Variants in FLG observed in about 807,000 individuals in gnomAD.
FLG encodes the protein filaggrin, also known as epidermal filaggrin.
In FLG, 6 loss-of-function variants were observed where a neutral mutation model predicts 3.8. That is an observed-to-expected ratio of 1.60 (90% CI 0.87 to 3.15). The LOEUF (loss-of-function observed/expected upper bound fraction) is 3.15, where lower values mean the gene tolerates loss of function less well. FLG is among the 30% of genes most tolerant of loss of function. The probability of loss-of-function intolerance (pLI) is 0.00; values close to 1 mark genes in which losing one functional copy is unlikely to be tolerated. For synonymous variants in FLG, 2,551 were observed against 1,931.6 expected, an observed-to-expected ratio of 1.32 and a Z score of -8.41; for missense variants, 7,595 against 5,050.9, an observed-to-expected ratio of 1.50 and a Z score of -15.27.
Position 152,310,336 on chromosome 1 carries a change from T to G in FLG, c.4550A>C (p.Tyr1517Ser), listed in dbSNP as rs146433981. ...CTGGGGTGTGGTGTGGCTGTGATGG[T>G]ACCCTGAGTGTCCAGACCTATCTAC... Reference protein sequence around the residue: ...QSVDRSGHSGYHHSHTTPQGR... With the variant: ...QSVDRSGHSGSHHSHTTPQGR... The change falls in exon 3 of 3, where the codon TAC becomes TCC. Residue 1517 changes from tyrosine (Y) to serine (S), a missense_variant. Physicochemically the swap from Tyr to Ser is moderately radical, Grantham distance 144 (BLOSUM62 -2). Coordinates refer to ENST00000368799, the MANE Select transcript of FLG (RefSeq NM_002016.2). 1,228 of 1,613,750 alleles carry G rather than the reference T, an allele frequency of 7.6e-4. 8 individuals carry two copies. In the African/African-American group the frequency reaches 0.014, roughly 19 times the overall value.
chr1:152,303,751 T>A lies in FLG; in HGVS notation c.11135A>T (p.Tyr3712Phe). 1 of 1,613,722 alleles carries A rather than the reference T, an allele frequency of 6.2e-7. No individual in the cohort carries two copies. Among genetic ancestry groups the A allele is most frequent in the South Asian group, 1.1e-5 (1 of 91,038 alleles). The change falls in exon 3 of 3, where the codon TAC (tyrosine) becomes TTC (phenylalanine). Residue 3712 changes from tyrosine (Y) to phenylalanine (F), a missense_variant. Physicochemically the swap from Tyr to Phe is conservative, Grantham distance 22. Transcript: ENST00000368799. ...GRSGRSGSFLYQVSTHEQSES... is the reference protein window; with the variant it reads ...GRSGRSGSFLFQVSTHEQSES... ...AGACTGTTCATGAGTGCTCACCTGG[T>A]AGAGGAAAGACCCTGAACGTCCAGA... is the stretch of plus-strand genomic sequence containing the variant.
Position 152,306,345 on chromosome 1 carries a change from T to G in FLG, c.8541A>C (p.Ser2847=), listed in dbSNP as rs760968330. The change falls in exon 3 of 3, where the codon TCA becomes TCC. Residue 2847 remains serine, a synonymous_variant. Coordinates refer to ENST00000368799, the MANE Select transcript of FLG (RefSeq NM_002016.2). The part of the protein sequence containing the change: ...ASRTTRNEEQ[S]GDGSRHSGSR... ...ACCCTGAGTGCCTGGAGCCGTCTCCTGATTGTTCCTCATTACGTGTTGTTC... is the reference window on the plus strand; with the variant it reads ...ACCCTGAGTGCCTGGAGCCGTCTCCGGATTGTTCCTCATTACGTGTTGTTC... The G allele has an allele frequency of 2.5e-6, 4 of 1,602,094 alleles. No individual in the cohort carries two copies. In the South Asian group the frequency reaches 3.3e-5, roughly 13 times the overall value.
Position 152,311,675 on chromosome 1 carries a change from C to G in FLG, c.3211G>C (p.Ala1071Pro), listed in dbSNP as rs1369947146. The G allele has an allele frequency of 3.1e-6, 5 of 1,614,018 alleles. No individual in the cohort carries two copies. The African/African-American group carries it at 4.0e-5, about 13-fold the overall frequency. ...TCTGAATGTCCCTCACTATCACTGG[C>G]CTGACTACCACTGGACCCCCAGTGT... ...SGHWGSSGSQ[A>P]SDSEGHSEES... Residue 1071 changes from alanine (A) to proline (P), a missense_variant, in exon 3 of 3, where the codon GCC (alanine) becomes CCC (proline). Physicochemically the swap from Ala to Pro is conservative, Grantham distance 27. Transcript: ENST00000368799.
chr1:152,308,509 G>C lies in FLG; in HGVS notation c.6377C>G (p.Ser2126Cys). ...GSHYDQAQDS[S>C]RHSASQEGQD... ...ACCCTCTTGGGATGCTGAGTGCCTG[G>C]AGCTGTCTTGTGCCTGATCATAATG... is the stretch of plus-strand genomic sequence containing the variant. Residue 2126 changes from serine to cysteine, a missense_variant, in exon 3 of 3, where the codon TCC (serine) becomes TGC (cysteine). By Grantham distance (112) the Ser-to-Cys change is moderately radical (BLOSUM62 -1). Transcript: ENST00000368799. 6.2e-7 allele frequency: 1 copy of C among 1,613,698 alleles called. No individual in the cohort carries two copies.
In FLG at chr1:152,312,315, G is replaced by T. The variant is rs375680393; in HGVS notation, c.2571C>A (p.His857Gln). Reference protein sequence around the residue: ...SSRRGRQGSHHEQSVDRSGHS... With the variant: ...SSRRGRQGSHQEQSVDRSGHS... ...GTCCAGACCTATCTACCGATTGCTC[G>T]TGGTGGGACCCCTGCCTTCCTCTTC... The change falls in exon 3 of 3, where the codon CAC becomes CAA. Residue 857 changes from histidine (H) to glutamine (Q), a missense_variant. His to Gln is a conservative substitution (Grantham distance 24). Transcript: ENST00000368799. 9 of 1,613,052 alleles carry T rather than the reference G, an allele frequency of 5.6e-6. No individual in the cohort carries two copies. In the Admixed American group the frequency reaches 6.7e-5, roughly 12 times the overall value.
At position 152,314,022 on chromosome 1, in the gene FLG, C is replaced by G. The variant is rs1010421428; in HGVS notation, c.864G>C (p.Arg288Ser). 2.5e-6 allele frequency: 4 copies of G among 1,614,154 alleles called. No individual in the cohort carries two copies. The highest frequency in any genetic ancestry group is 2.5e-6 in the Non-Finnish European group (3 of 1,180,032). Residue 288 changes from arginine (R) to serine (S), a missense_variant, in exon 3 of 3, where the codon AGG (arginine) becomes AGC (serine). Coordinates refer to ENST00000368799, the MANE Select transcript of FLG (RefSeq NM_002016.2). Reference sequence around the variant, plus strand: ...CTCTGGATCCCCTACGCTTTCTTGTCCTGGACTCCTGCAATGGTACCTGGC... The same window carrying G: ...CTCTGGATCCCCTACGCTTTCTTGTGCTGGACTCCTGCAATGGTACCTGGC... ...NTSQVPLQESRTRKRRGSRVS... is the reference protein window; with the variant it reads ...NTSQVPLQESSTRKRRGSRVS...
chr1:152,317,441 C>T (rs1055413788), intron 1 of FLG, among the ~76,000 whole-genome samples: 2 of 152,060 alleles, frequency 1.3e-5, no homozygotes, highest in African/African-American at 4.8e-5. Context: ...CTTCATATTT[C>T]CAAATCCACA....
Position 152,309,518 on chromosome 1 carries a change from G to C in FLG, c.5368C>G (p.Gln1790Glu), listed in dbSNP as rs200622741. 8.3e-5 allele frequency: 134 copies of C among 1,613,916 alleles called. No homozygotes were observed. The highest frequency in any genetic ancestry group is 1.7e-4 in the Middle Eastern group (1 of 6,060). ...GRTGPSTGGRQRSRHEQARDS... is the reference protein window; with the variant it reads ...GRTGPSTGGRERSRHEQARDS... ...CGTGCCTGCTCGTGGCGGGATCTTT[G>C]TCTTCCTCCAGTGCTGGGCCCTGTG... The change falls in exon 3 of 3, where the codon CAA becomes GAA. Residue 1790 changes from glutamine to glutamate, a missense_variant. By Grantham distance (29) the Gln-to-Glu change is conservative. Transcript: ENST00000368799.
rs778145226 is a variant in FLG at position 152,309,364 on chromosome 1, G to A, written c.5522C>T (p.Ser1841Phe). Reference protein sequence around the residue: ...QSVDSSGHSGSHHSHTTSQER... With the variant: ...QSVDSSGHSGFHHSHTTSQER... ...CTGGGACGTGGTGTGGCTGTGATGAGACCCTGAGTGTCCAGAACTATCTAC... is the reference window on the plus strand; with the variant it reads ...CTGGGACGTGGTGTGGCTGTGATGAAACCCTGAGTGTCCAGAACTATCTAC... Residue 1841 changes from serine (S) to phenylalanine (F), a missense_variant, in exon 3 of 3, where the codon TCT becomes TTT. By Grantham distance (155) the Ser-to-Phe change is radical (BLOSUM62 -2). Transcript: ENST00000368799. 1.1e-5 allele frequency: 17 copies of A among 1,613,712 alleles called. No individual in the cohort carries two copies. The highest frequency in any genetic ancestry group is 1.4e-5 in the Non-Finnish European group (17 of 1,179,996).
In FLG at chr1:152,313,915, G is replaced by C. The variant is rs756076761; in HGVS notation, c.971C>G (p.Ser324Cys). ...SGSASRNHHG[S>C]AWEQSRDGSR... Reference sequence around the variant, plus strand: ...GCCATCTCTTGACTGCTCCCACGCAGATCCATGATGGTTTCTGGAAGCCGA... The same window carrying C: ...GCCATCTCTTGACTGCTCCCACGCACATCCATGATGGTTTCTGGAAGCCGA... Residue 324 changes from serine (S) to cysteine (C), a missense_variant, in exon 3 of 3, where the codon TCT becomes TGT. By Grantham distance (112) the Ser-to-Cys change is moderately radical. Coordinates refer to ENST00000368799, the MANE Select transcript of FLG (RefSeq NM_002016.2). The C allele has an allele frequency of 5.0e-6, 8 of 1,613,936 alleles. No individual in the cohort carries two copies. The highest frequency in any genetic ancestry group is 2.2e-5 in the South Asian group (2 of 91,054).
rs200402044 is a variant in FLG at position 152,309,037 on chromosome 1, G to A, written c.5849C>T (p.Ser1950Leu). Reference sequence around the variant, plus strand: ...CCCAGGGTGTCTGGAGCCATCTCTTGACTGCTCCCAAGCAGATCCAAGATG... The same window carrying A: ...CCCAGGGTGTCTGGAGCCATCTCTTAACTGCTCCCAAGCAGATCCAAGATG... Reference protein sequence around the residue: ...RNHLGSAWEQSRDGSRHPGSH... With the variant: ...RNHLGSAWEQLRDGSRHPGSH... The change falls in exon 3 of 3, where the codon TCA becomes TTA. Residue 1950 changes from serine (S) to leucine (L), a missense_variant. Coordinates refer to ENST00000368799, the MANE Select transcript of FLG (RefSeq NM_002016.2). 1 of 1,614,160 alleles carries A rather than the reference G, an allele frequency of 6.2e-7. No individual in the cohort carries two copies. Among genetic ancestry groups the A allele is most frequent in the East Asian group, 2.2e-5 (1 of 44,876 alleles).
Position 152,303,637 on chromosome 1 carries a change from G to T in FLG, c.11249C>A (p.Ala3750Glu). 1.2e-6 allele frequency: 2 copies of T among 1,613,494 alleles called. No individual in the cohort carries two copies. Among genetic ancestry groups the T allele is most frequent in the Non-Finnish European group, 8.5e-7 (1 of 1,179,818 alleles). Residue 3750 changes from alanine (A) to glutamate (E), a missense_variant, in exon 3 of 3, where the codon GCG becomes GAG. Coordinates refer to ENST00000368799, the MANE Select transcript of FLG (RefSeq NM_002016.2). Reference sequence around the variant, plus strand: ...AATGGTGTCCTGACCCTCTTGGGACGCTGAGTGCCTGGAGCTGTCTCGTGC... The same window carrying T: ...AATGGTGTCCTGACCCTCTTGGGACTCTGAGTGCCTGGAGCTGTCTCGTGC... Reference protein sequence around the residue: ...EQARDSSRHSASQEGQDTIRG... With the variant: ...EQARDSSRHSESQEGQDTIRG...
rs781116870 is a variant in FLG, at chr1:152,309,432, C to T, written c.5454G>A (p.Gly1818=). 4 of 1,613,402 alleles carry T rather than the reference C, an allele frequency of 2.5e-6. No homozygotes were observed. Among genetic ancestry groups the T allele is most frequent in the African/African-American group, 1.3e-5 (1 of 74,692 alleles). Residue 1818 remains glycine (G), a synonymous_variant, in exon 3 of 3, where the codon GGG becomes GGA. Transcript: ENST00000368799. ...ATCCCTGCCTTCCTCCTCTGCTTGA[C>T]CCTGGGTGTCCACGAATGGTGTCCT... ...EGQDTIRGHP[G]SSRGGRQGSH...
intron 1 of FLG, among the ~76,000 whole-genome samples, chr1:152,317,380 T>C (rs1181573705): frequency 6.6e-6 from 1 of 152,102 alleles, no homozygotes; most frequent in African/African-American, 2.4e-5. Flanking sequence ...TTACTCAAGG[T>C]ATTTTTCTTT....
Position 152,308,769 on chromosome 1 carries a change from G to A in FLG, c.6117C>T (p.Tyr2039=). 1 of 1,614,130 alleles carries A rather than the reference G, an allele frequency of 6.2e-7. No individual in the cohort carries two copies. Among genetic ancestry groups the A allele is most frequent in the South Asian group, 1.1e-5 (1 of 91,084 alleles). Residue 2039 remains tyrosine, a synonymous_variant, in exon 3 of 3, where the codon TAC becomes TAT. Coordinates refer to ENST00000368799, the MANE Select transcript of FLG (RefSeq NM_002016.2). The part of the protein sequence containing the change: ...SAVRDSGHRG[Y]SGSQASDSEG... ...CACTGTCACTGGCCTGACTACCACT[G>A]TACCCTCGGTGTCCACTGTCTCTGA... is the stretch of plus-strand genomic sequence containing the variant.
rs780519147 is a variant in FLG, at chr1:152,308,178, G to T, written c.6708C>A (p.Ser2236Arg). Residue 2236 changes from serine to arginine, a missense_variant, in exon 3 of 3, where the codon AGC becomes AGA. By Grantham distance (110) the Ser-to-Arg change is moderately radical. Coordinates refer to ENST00000368799, the MANE Select transcript of FLG (RefSeq NM_002016.2). ...GGCTAACACTGGATCCCCGGGGCCTGCTTGTCCTGGGCCCTGATGATTGTC... is the reference window on the plus strand; with the variant it reads ...GGCTAACACTGGATCCCCGGGGCCTTCTTGTCCTGGGCCCTGATGATTGTC... ...GQGQSSGPRT[S>R]RPRGSSVSQD... 1 of 1,613,832 alleles carries T rather than the reference G, an allele frequency of 6.2e-7. No individual in the cohort carries two copies. The highest frequency in any genetic ancestry group is 8.5e-7 in the Non-Finnish European group (1 of 1,179,986).
At position 152,308,613 on chromosome 1, in the gene FLG, G is replaced by C. The variant is rs375444567; in HGVS notation, c.6273C>G (p.Leu2091=). 31 of 1,614,150 alleles carry C rather than the reference G, an allele frequency of 1.9e-5. No homozygotes were observed. The East Asian group carries it at 3.6e-4, about 19-fold the overall frequency. ...GESSGRSGSF[L]YQVSTHEQSE... ...ACTGTTCATGAGTGCTCACCTGGTA[G>C]AGGAAAGACCCTGAACGTCCAGAGC... Residue 2091 remains leucine (L), a synonymous_variant, in exon 3 of 3, where the codon CTC becomes CTG. Transcript: ENST00000368799.
rs142295770 is a variant in FLG, at chr1:152,313,992, G to A, written c.894C>T (p.Ser298=). 106 of 1,614,046 alleles carry A rather than the reference G, an allele frequency of 6.6e-5. No homozygotes were observed. Among genetic ancestry groups the A allele is most frequent in the Non-Finnish European group, 8.8e-5 (104 of 1,180,038 alleles). The change falls in exon 3 of 3, where the codon AGC becomes AGT. Residue 298 remains serine, a synonymous_variant. Transcript: ENST00000368799. ...AGTGTCCCTCACTGTCCCTGTCCTG[G>A]CTAACTCTGGATCCCCTACGCTTTC... ...RTRKRRGSRV[S]QDRDSEGHSE...
intron 1 of FLG, among the ~76,000 whole-genome samples, chr1:152,315,950 A>G (rs1652775905): frequency 6.6e-6 from 1 of 152,232 alleles, no homozygotes; most frequent in South Asian, 2.1e-4. Context: ...AAGTTCATTC[A>G]ATTTTTTATT....
Sources: gnomAD v4.1 joint callset for allele counts (sites outside exome capture counted in the v4.1 genomes callset) on GRCh38, gnomAD v4.1.1 for gene constraint, MANE v1.5 for transcripts, NCBI Gene and HGNC (gene_info 2026-07-23, HGNC 2026-07-21) for gene names.